The following JAZF1 variants were observed in gnomAD, a reference collection of about 807,000 sequenced individuals.
JAZF1 encodes the protein juxtaposed with another zinc finger protein 1.
A neutral mutation model predicts 26.4 loss-of-function variants in JAZF1; 8 were observed. The observed-to-expected ratio is 0.30, with a 90% CI of 0.18 to 0.55. The LOEUF is 0.55. Among genes scored for constraint, JAZF1 ranks in the 20% least tolerant of loss-of-function variants. The probability of loss-of-function intolerance (pLI) is 0.94; values close to 1 mark genes in which losing one functional copy is unlikely to be tolerated. For missense variants in JAZF1, 199 were observed against 322.0 expected (o/e 0.62, Z 2.92); for synonymous variants, 126 against 122.3 (o/e 1.03, Z -0.20).
chr7:28,116,069 G>A (rs370093338), intron 1 of JAZF1, among the ~76,000 whole-genome samples: 8 of 152,164 alleles, frequency 5.3e-5, no homozygotes, highest in Non-Finnish European at 7.3e-5. Flanking sequence ...TACTTGAATT[G>A]CTTCCAGTCT....
chr7:27,940,707 C>G (rs1784833844), intron 2 of JAZF1, among the ~76,000 whole-genome samples: 1 of 152,138 alleles, frequency 6.6e-6, no homozygotes, highest in African/African-American at 2.4e-5. Context: ...GGGGTTTACA[C>G]CAGCGCAGCA....
chr7:28,012,948 A>G (rs1782822231), intron 1 of JAZF1, among the ~76,000 whole-genome samples: 1 of 152,158 alleles, frequency 6.6e-6, no homozygotes, highest in Non-Finnish European at 1.5e-5. Flanking sequence ...CCACAACCTA[A>G]GCCTGGGTAA....
chr7:27,857,328 C>T (rs1783286097), intron 3 of JAZF1, among the ~76,000 whole-genome samples: 1 of 152,224 alleles, frequency 6.6e-6, no homozygotes, highest in African/African-American at 2.4e-5. Flanking sequence ...CGAGCCCACG[C>T]CCACCCGGAA....
intron 3 of JAZF1, among the ~76,000 whole-genome samples, chr7:27,846,342 T>C (rs1215910637): frequency 7.1e-6 from 1 of 141,490 alleles, no homozygotes; most frequent in Non-Finnish European, 1.6e-5. Context: ...TGTACACGTA[T>C]ATATACACGT....
chr7:27,988,205 A>G (rs1232849871), intron 2 of JAZF1, among the ~76,000 whole-genome samples: 2 of 150,682 alleles, frequency 1.3e-5, no homozygotes, highest in Non-Finnish European at 1.5e-5. Flanking sequence ...AAAAAAAAAA[A>G]AGAACATGAT....
intron 2 of JAZF1, among the ~76,000 whole-genome samples, chr7:27,898,223 G>A (rs1784102961): frequency 6.6e-6 from 1 of 150,940 alleles, no homozygotes; most frequent in Non-Finnish European, 1.5e-5. Context: ...TGCATATCCA[G>A]TGTAAGAGAC....
intron 1 of JAZF1, among the ~76,000 whole-genome samples, chr7:28,021,977 T>G (rs1783014582): frequency 6.6e-6 from 1 of 152,214 alleles, no homozygotes; most frequent in Non-Finnish European, 1.5e-5. Context: ...CCTCTTTTGG[T>G]TGCTGTGAAG....
chr7:28,001,909 A>G (rs563815989), intron 1 of JAZF1, among the ~76,000 whole-genome samples: 2 of 152,340 alleles, frequency 1.3e-5, no homozygotes, highest in South Asian at 4.1e-4. Context: ...TGAGTATTTC[A>G]TTACAAAAAC....
At chr7:28,165,355 G>A (rs1783351905) in intron 1 of JAZF1, among the ~76,000 whole-genome samples, 1 of 152,070 alleles carries the variant, frequency 6.6e-6, no homozygotes, top group African/African-American at 2.4e-5. Flanking sequence ...TAGATTTAAA[G>A]AGAACTAGAG....
At chr7:28,019,846 T>C (rs1227301574) in intron 1 of JAZF1, among the ~76,000 whole-genome samples, 1 of 151,996 alleles carries the variant, frequency 6.6e-6, no homozygotes, top group African/African-American at 2.4e-5. Flanking sequence ...CAGACCGGAC[T>C]CCAAATCCAG....
chr7:28,138,693 T>A (rs1782921000), intron 1 of JAZF1, among the ~76,000 whole-genome samples: 2 of 152,182 alleles, frequency 1.3e-5, no homozygotes, highest in Non-Finnish European at 2.9e-5. Context: ...GGGTTTTGGA[T>A]TTCCTTGTTA....
At chr7:28,085,098 C>T (rs551356462) in intron 1 of JAZF1, among the ~76,000 whole-genome samples, 2 of 152,270 alleles carry the variant, frequency 1.3e-5, no homozygotes, top group East Asian at 1.9e-4. Context: ...TTATAAATTA[C>T]CCAGTATCAT....
At chr7:27,927,725 T>C (rs528216067) in intron 2 of JAZF1, among the ~76,000 whole-genome samples, 14 of 152,208 alleles carry the variant, frequency 9.2e-5, no homozygotes, top group Non-Finnish European at 1.8e-4. Context: ...AAAAAAGAAC[T>C]ATGAAGAGAA....
At chr7:28,087,463 A>G (rs942178382) in intron 1 of JAZF1, among the ~76,000 whole-genome samples, 1 of 152,152 alleles carries the variant, frequency 6.6e-6, no homozygotes, top group Admixed American at 6.5e-5. Context: ...TTCATTTTTG[A>G]TATAAAGTTT....
At chr7:28,029,276 A>T (rs1268878695) in intron 1 of JAZF1, among the ~76,000 whole-genome samples, 2 of 152,224 alleles carry the variant, frequency 1.3e-5, no homozygotes, top group African/African-American at 4.8e-5. Flanking sequence ...TAATATGGCA[A>T]AATTTTAGTC....
Position 27,840,876 on chromosome 7 carries a change from C to T in JAZF1, c.386-9G>A, listed in dbSNP as rs373264213. On this transcript the variant is annotated splice_polypyrimidine_tract_variant and intron_variant, in intron 3 of 4. Coordinates refer to ENST00000283928, the MANE Select transcript of JAZF1 (RefSeq NM_175061.4). This position sits in a 1 kb window ranked among gnomAD's most constrained non-coding sequence, Gnocchi z 5.1. ...CTCGTCATACTCGCTGCCTGCAGGA[C>T]AAGAGAAGTGCAAGGACTGTCAGGA... 1 of 1,613,496 alleles carries T rather than the reference C, an allele frequency of 6.2e-7. No individual in the cohort carries two copies. The highest frequency in any genetic ancestry group is 1.3e-5 in the African/African-American group (1 of 74,898).
intron 1 of JAZF1, among the ~76,000 whole-genome samples, chr7:28,088,999 T>C (rs1363742679): frequency 6.6e-6 from 1 of 152,178 alleles, no homozygotes; most frequent in Non-Finnish European, 1.5e-5. Flanking sequence ...TCATCACCAA[T>C]TTCCAACAAG....
At chr7:27,975,891 G>A (rs1296928233) in intron 2 of JAZF1, among the ~76,000 whole-genome samples, 1 of 152,096 alleles carries the variant, frequency 6.6e-6, no homozygotes, top group Non-Finnish European at 1.5e-5. Flanking sequence ...GACTACTGGA[G>A]GCACAGTTCC....
intron 1 of JAZF1, among the ~76,000 whole-genome samples, chr7:28,175,516 C>T (rs1244986407): frequency 6.6e-6 from 1 of 152,190 alleles, no homozygotes; most frequent in Non-Finnish European, 1.5e-5. Context: ...GAGATGGATG[C>T]TGCTACTATC....
Sources: gnomAD v4.1 joint callset for allele counts (sites outside exome capture counted in the v4.1 genomes callset) on GRCh38, gnomAD v4.1.1 for gene constraint, Gnocchi (gnomAD v3.1) non-coding constraint, MANE v1.5 for transcripts, NCBI Gene and HGNC (gene_info 2026-07-23, HGNC 2026-07-21) for gene names.